Variants in PRKCA observed in about 807,000 individuals in gnomAD.
PRKCA encodes the protein protein kinase C alpha, also known as protein kinase C alpha type.
PRKCA carries 27 observed loss-of-function variants against 87.0 expected under a neutral mutation model. That is an observed-to-expected ratio of 0.31 (90% confidence interval 0.23 to 0.43). The LOEUF (loss-of-function observed/expected upper bound fraction) is 0.43, where lower values mean the gene tolerates loss of function less well. Ranked by LOEUF, PRKCA falls within the 20% of genes least tolerant of loss-of-function variation. The pLI is 1.00. For missense variants in PRKCA, 518 were observed against 852.3 expected (o/e 0.61, Z 4.88); for synonymous variants, 329 against 311.1 (o/e 1.06, Z -0.61).
intron 2 of PRKCA, among the ~76,000 whole-genome samples, chr17:66,424,520 T>C (rs1023215850): frequency 6.7e-6 from 1 of 149,066 alleles, no homozygotes; most frequent in Non-Finnish European, 1.5e-5. Context: ...TGACCTGAGA[T>C]GGCACCACTG....
Position 66,380,937 on chromosome 17 carries a change from A to C in PRKCA, c.205+74810A>C, listed in dbSNP as rs866717715. On this transcript the variant is annotated intron_variant, in intron 2 of 16. Transcript: ENST00000413366. ...AGAATCTAAGGTATTTTTATTTTTT[A>C]TTTTTCTTTTTTTTTTTTTGGAGAC... Among the ~76,000 whole-genome samples, 214 of 146,716 alleles carry C rather than the reference A, an allele frequency of 1.5e-3. 1 individual carries two copies. Among genetic ancestry groups the C allele is most frequent in the Non-Finnish European group, 2.0e-3 (136 of 66,794 alleles).
At chr17:66,556,938 C>T (rs1968514105) in intron 3 of PRKCA, among the ~76,000 whole-genome samples, 1 of 152,106 alleles carries the variant, frequency 6.6e-6, no homozygotes. Context: ...GGGAAGAACC[C>T]CACAGCATCA....
chr17:66,624,542 T>A lies in PRKCA; in HGVS notation c.289-16813T>A, dbSNP rs543672955. On this transcript the variant is annotated intron_variant, in intron 3 of 16. Transcript: ENST00000413366. The stretch of plus-strand genomic sequence containing the variant: ...TTGGCCAGGCGTGGTGGCTCACACT[T>A]GTAATCCCAGCACTTTGGGAGGCCA... Among the ~76,000 whole-genome samples, 44 of 152,314 alleles carry A rather than the reference T, an allele frequency of 2.9e-4. No homozygotes were observed. In the South Asian group the frequency reaches 8.9e-3, roughly 31 times the overall value.
chr17:66,693,214 G>A (rs752218909), intron 8 of PRKCA, among the ~76,000 whole-genome samples: 7 of 152,148 alleles, frequency 4.6e-5, no homozygotes, highest in Non-Finnish European at 7.3e-5. Flanking sequence ...GACCTTCCTC[G>A]CTGGTAGAGA....
intron 5 of PRKCA, chr17:66,676,837 C>T (rs1040501323): frequency 6.6e-6 from 1 of 152,186 alleles, no homozygotes; most frequent in East Asian, 1.9e-4. Context: ...GATCATAGTT[C>T]CTGTCAGGAG....
intron 2 of PRKCA, among the ~76,000 whole-genome samples, chr17:66,385,416 G>A (rs1308672713): frequency 6.6e-6 from 1 of 152,210 alleles, no homozygotes; most frequent in East Asian, 1.9e-4. Flanking sequence ...TCCACACATA[G>A]ATGTGGGGTG....
intron 14 of PRKCA, among the ~76,000 whole-genome samples, chr17:66,785,309 T>G (rs971555107): frequency 6.6e-6 from 1 of 152,102 alleles, no homozygotes; most frequent in Non-Finnish European, 1.5e-5. Context: ...GGAGAAAATG[T>G]TTGATAAGAA....
intron 2 of PRKCA, among the ~76,000 whole-genome samples, chr17:66,461,957 G>GGAGGAGACTGGGGTTCCTAACTAC: frequency 6.6e-6 from 1 of 152,232 alleles, no homozygotes; most frequent in Middle Eastern, 3.4e-3. Flanking sequence ...TAACTACCGA[G>GGAGGAGACTGGGGTTCCTAACTAC]CATGCTTCTA....
chr17:66,495,566 T>TATTTTATTTTATTTTATTTTATTTTA (rs1567858271), intron 2 of PRKCA, among the ~76,000 whole-genome samples: 1 of 151,758 alleles, frequency 6.6e-6, no homozygotes, highest in Non-Finnish European at 1.5e-5. Flanking sequence ...TATTTTATTT[T>TATTTTATTTTATTTTATTTTATTTTA]TTGAGACGGA....
At chr17:66,568,144 A>G (rs1598777083) in intron 3 of PRKCA, among the ~76,000 whole-genome samples, 2 of 152,094 alleles carry the variant, frequency 1.3e-5, no homozygotes, top group African/African-American at 4.8e-5. Context: ...ATGAAACCCC[A>G]TCTCTAGTAA....
chr17:66,588,094 T>G (rs962026451), intron 3 of PRKCA, among the ~76,000 whole-genome samples: 1 of 151,968 alleles, frequency 6.6e-6, no homozygotes, highest in Admixed American at 6.6e-5. Context: ...ACCAGCAGTG[T>G]TGGAGGATTC....
chr17:66,667,586 A>G (rs1196464248), intron 5 of PRKCA, among the ~76,000 whole-genome samples: 1 of 152,126 alleles, frequency 6.6e-6, no homozygotes, highest in Non-Finnish European at 1.5e-5. Context: ...CCCACAACAC[A>G]TGGGGATTAG....
At chr17:66,631,340 C>T (rs1019055052) in intron 3 of PRKCA, among the ~76,000 whole-genome samples, 1 of 152,042 alleles carries the variant, frequency 6.6e-6, no homozygotes, top group African/African-American at 2.4e-5. Flanking sequence ...TAGGAAATAA[C>T]CTTATTTATA....
intron 3 of PRKCA, among the ~76,000 whole-genome samples, chr17:66,558,518 G>A (rs974300466): frequency 6.6e-6 from 1 of 152,164 alleles, no homozygotes; most frequent in Non-Finnish European, 1.5e-5. Flanking sequence ...GGCAAAGGGG[G>A]ACCTGGTGCA....
At chr17:66,459,373 TAAC>T (rs969990928) in intron 2 of PRKCA, among the ~76,000 whole-genome samples, 4 of 152,154 alleles carry the variant, frequency 2.6e-5, no homozygotes, top group African/African-American at 9.7e-5. Flanking sequence ...GGAACTACGA[TAAC>T]AACAACAAAA....
intron 3 of PRKCA, among the ~76,000 whole-genome samples, chr17:66,516,107 C>T (rs1966961846): frequency 6.6e-6 from 1 of 152,152 alleles, no homozygotes; most frequent in Admixed American, 6.5e-5. Context: ...ACTCAGTATT[C>T]ATTAAAGCAG....
chr17:66,479,577 C>G (rs1214046884), intron 2 of PRKCA, among the ~76,000 whole-genome samples: 1 of 152,098 alleles, frequency 6.6e-6, no homozygotes, highest in East Asian at 1.9e-4. Flanking sequence ...CAACACTATT[C>G]ACAATAGGAA....
intron 13 of PRKCA, among the ~76,000 whole-genome samples, chr17:66,745,839 C>T (rs1265616458): frequency 1.3e-5 from 2 of 152,162 alleles, no homozygotes; most frequent in African/African-American, 4.8e-5. Context: ...CAGAATTAGG[C>T]TTTGATCCCA....
At chr17:66,435,892 T>C (rs1173603766) in intron 2 of PRKCA, among the ~76,000 whole-genome samples, 1 of 152,044 alleles carries the variant, frequency 6.6e-6, no homozygotes, top group Non-Finnish European at 1.5e-5. Context: ...GACATGACCA[T>C]CGTGAAGGAC....
Sources: allele counts gnomAD v4.1 joint callset (sites outside exome capture counted in the v4.1 genomes callset), GRCh38; gene constraint gnomAD v4.1.1; transcripts MANE v1.5; gene names NCBI Gene and HGNC (gene_info 2026-07-23, HGNC 2026-07-21).